The following L3MBTL4 variants were observed in gnomAD, a reference collection of about 807,000 sequenced individuals.
The protein encoded by L3MBTL4 is L3MBTL histone methyl-lysine binding protein 4.
Under a neutral mutation model 84.5 loss-of-function variants are expected in L3MBTL4, and 70 were observed. That is an observed-to-expected ratio of 0.83 (90% CI 0.68 to 1.01). L3MBTL4 has a LOEUF of 1.01. Ranked by LOEUF, L3MBTL4 falls within the 50% of genes least tolerant of loss-of-function variation. The pLI, the probability that L3MBTL4 is intolerant of heterozygous loss-of-function variation, is 0.00. For missense variants in L3MBTL4, 715 were observed against 754.8 expected, an observed-to-expected ratio of 0.95 and a Z score of 0.62; for synonymous variants, 274 against 259.8, an observed-to-expected ratio of 1.05 and a Z score of -0.52.
chr18:6,085,835 C>T (rs2058240682), intron 15 of L3MBTL4, among the ~76,000 whole-genome samples: 1 of 152,154 alleles, frequency 6.6e-6, no homozygotes, highest in South Asian at 2.1e-4. Context: ...CATACATGAA[C>T]ATCAAAAAGG....
In L3MBTL4 at chr18:6,121,043, C is replaced by A. The variant is rs372699096; in HGVS notation, c.1199+17151G>T. On this transcript the variant is annotated intron_variant, in intron 14 of 18. Transcript: ENST00000317931. Reference sequence around the variant, plus strand: ...GCATCTACTAGATAAGTGATGTTTACAACATTCTATAAAAAAGCCCCAAGG... The same window carrying A: ...GCATCTACTAGATAAGTGATGTTTAAAACATTCTATAAAAAAGCCCCAAGG... Among the ~76,000 whole-genome samples, 3 of 152,136 alleles carry A rather than the reference C, an allele frequency of 2.0e-5. No individual in the cohort carries two copies. The East Asian group carries it at 5.8e-4, about 29-fold the overall frequency.
intron 16 of L3MBTL4, among the ~76,000 whole-genome samples, chr18:6,053,282 A>C (rs8094198): frequency 0.025 from 3,867 of 152,318 alleles, 150 homozygotes; most frequent in African/African-American, 0.089. Context: ...TTCACTCAGT[A>C]CTGAGTTTCC....
At position 5,956,148 on chromosome 18, in the gene L3MBTL4, A is replaced by C; in HGVS notation, c.*72T>G. On this transcript the variant is annotated 3_prime_UTR_variant, in exon 19 of 19. Coordinates refer to ENST00000317931, the MANE Select transcript of L3MBTL4 (RefSeq NM_001330559.2). ...ATACGGCCATGGGGACATTCACATCAAATTAATGTGCTCCACTTTTATTGC... is the reference window on the plus strand; with the variant it reads ...ATACGGCCATGGGGACATTCACATCCAATTAATGTGCTCCACTTTTATTGC... 1 of 1,321,704 alleles carries C rather than the reference A, an allele frequency of 7.6e-7. No homozygotes were observed. 81.9% of individuals were successfully genotyped at this position (1,321,704 alleles called of 1,614,324 possible). A position where few individuals can be genotyped will look rare whatever the true frequency, so the allele number is the denominator to read the frequency against.
At chr18:6,396,621 A>T (rs185812307) in intron 1 of L3MBTL4, 2 of 152,246 alleles carry the variant, frequency 1.3e-5, no homozygotes, top group Non-Finnish European at 2.9e-5. Context: ...CATCAGTGGC[A>T]TTGTTCTTCC....
chr18:6,301,382 A>G (rs973292619), intron 4 of L3MBTL4, among the ~76,000 whole-genome samples: 4 of 152,220 alleles, frequency 2.6e-5, no homozygotes, highest in African/African-American at 9.6e-5. Context: ...AGAAAATCGC[A>G]TCTTCATCTG....
intron 16 of L3MBTL4, among the ~76,000 whole-genome samples, chr18:6,008,613 C>T (rs1567977194): frequency 1.3e-5 from 2 of 152,080 alleles, no homozygotes; most frequent in East Asian, 1.9e-4. Context: ...GGGGCTTCAC[C>T]CTCATGGCCA....
At chr18:5,999,875 C>G (rs1227194949) in intron 16 of L3MBTL4, among the ~76,000 whole-genome samples, 1 of 152,110 alleles carries the variant, frequency 6.6e-6, no homozygotes, top group Non-Finnish European at 1.5e-5. Context: ...ATAAAAGAAG[C>G]CCTACTGGAC....
At chr18:6,354,107 A>G (rs964288821) in intron 1 of L3MBTL4, among the ~76,000 whole-genome samples, 2 of 152,180 alleles carry the variant, frequency 1.3e-5, no homozygotes, top group African/African-American at 4.8e-5. Flanking sequence ...GGAGTAGAAT[A>G]CAGAACCCAG....
intron 16 of L3MBTL4, among the ~76,000 whole-genome samples, chr18:6,073,661 G>A (rs2057763988): frequency 6.6e-6 from 1 of 152,112 alleles, no homozygotes; most frequent in African/African-American, 2.4e-5. Flanking sequence ...GGTAGTCAGG[G>A]GGTATAAAAT....
chr18:6,002,687 A>C (rs1335602306), intron 16 of L3MBTL4, among the ~76,000 whole-genome samples: 1 of 152,050 alleles, frequency 6.6e-6, no homozygotes, highest in African/African-American at 2.4e-5. Flanking sequence ...ATAAGTACAG[A>C]GTATATACAA....
chr18:6,165,955 A>T (rs1482600553), intron 13 of L3MBTL4, among the ~76,000 whole-genome samples: 2 of 152,344 alleles, frequency 1.3e-5, no homozygotes, highest in East Asian at 3.9e-4. Flanking sequence ...GCAGAGACAC[A>T]CATAGGCTCA....
At chr18:6,022,142 A>G (rs1025060457) in intron 16 of L3MBTL4, among the ~76,000 whole-genome samples, 12 of 152,128 alleles carry the variant, frequency 7.9e-5, no homozygotes, top group African/African-American at 2.7e-4. Context: ...TGTACAATCT[A>G]TTTCTCCACA....
At chr18:6,384,234 A>G (rs1392005840) in intron 1 of L3MBTL4, among the ~76,000 whole-genome samples, 3 of 152,182 alleles carry the variant, frequency 2.0e-5, no homozygotes, top group Non-Finnish European at 2.9e-5. Context: ...CTTCTTGTAT[A>G]TATAATCATG....
rs188817452 is a variant in L3MBTL4, at chr18:6,014,504, T to A, written c.1445-44942A>T. Among the ~76,000 whole-genome samples the A allele has an allele frequency of 1.1e-4, 17 of 151,032 alleles. No individual in the cohort carries two copies. The East Asian group carries it at 3.4e-3, about 30-fold the overall frequency. Reference sequence around the variant, plus strand: ...CCCATCCAGACCATGAGGTTAGAGATGGCTGCAGGGTAAGTGAAGTCTGCA... The same window carrying A: ...CCCATCCAGACCATGAGGTTAGAGAAGGCTGCAGGGTAAGTGAAGTCTGCA... On this transcript the variant is annotated intron_variant, in intron 16 of 18. Coordinates refer to ENST00000317931, the MANE Select transcript of L3MBTL4 (RefSeq NM_001330559.2).
At chr18:6,096,669 AAAG>A (rs1198664596) in intron 14 of L3MBTL4, among the ~76,000 whole-genome samples, 1 of 152,190 alleles carries the variant, frequency 6.6e-6, no homozygotes, top group Non-Finnish European at 1.5e-5. Flanking sequence ...ACATTGAAAA[AAAG>A]AAGACTGAAG....
chr18:6,193,086 A>G (rs1169063992), intron 12 of L3MBTL4, among the ~76,000 whole-genome samples: 2 of 152,088 alleles, frequency 1.3e-5, no homozygotes, highest in Non-Finnish European at 2.9e-5. Context: ...GAGAAACTGC[A>G]ATCACAAAAA....
At chr18:6,406,064 G>A (rs990945909) in intron 1 of L3MBTL4, among the ~76,000 whole-genome samples, 36 of 152,228 alleles carry the variant, frequency 2.4e-4, no homozygotes, top group Non-Finnish European at 3.1e-4. Context: ...AGTGCACTAA[G>A]TATTAATTAT....
chr18:6,042,073 C>T (rs2056427071), intron 16 of L3MBTL4, among the ~76,000 whole-genome samples: 1 of 152,118 alleles, frequency 6.6e-6, no homozygotes, highest in East Asian at 1.9e-4. Flanking sequence ...ATACAGGTTT[C>T]CCCAACTGCC....
intron 12 of L3MBTL4, among the ~76,000 whole-genome samples, chr18:6,181,528 A>C (rs984575698): frequency 6.0e-5 from 9 of 151,060 alleles, no homozygotes; most frequent in African/African-American, 2.0e-4. Context: ...GGGGGTTTCA[A>C]CATGTTGGCC....
Sources: gnomAD v4.1 joint callset for allele counts (sites outside exome capture counted in the v4.1 genomes callset) on GRCh38, gnomAD v4.1.1 for gene constraint, MANE v1.5 for transcripts, NCBI Gene and HGNC (gene_info 2026-07-23, HGNC 2026-07-21) for gene names.